SCAI: variants seen among roughly 807,000 people sequenced by gnomAD.
SCAI encodes suppressor of cancer cell invasion, also known as protein SCAI.
SCAI carries 24 observed loss-of-function variants against 92.2 expected under a neutral mutation model. The ratio of observed to expected loss-of-function variants is 0.26; its 90% confidence interval spans 0.19 to 0.37. The LOEUF is 0.37. SCAI is among the 10% of genes least tolerant of loss of function. The probability of loss-of-function intolerance (pLI) is 1.00; values close to 1 mark genes in which losing one functional copy is unlikely to be tolerated. For missense variants in SCAI, 450 were observed against 736.2 expected, an observed-to-expected ratio of 0.61 and a Z score of 4.50; for synonymous variants, 261 against 258.6, an observed-to-expected ratio of 1.01 and a Z score of -0.09.
At chr9:124,986,409 T>C (rs1831991039) in intron 14 of SCAI, among the ~76,000 whole-genome samples, 2 of 152,160 alleles carry the variant, frequency 1.3e-5, no homozygotes, top group South Asian at 2.1e-4. Flanking sequence ...TGAGAGCAAG[T>C]TACACACAGC....
chr9:125,066,007 A>T (rs375014858), intron 2 of SCAI: 1 of 771,598 alleles, frequency 1.3e-6, no homozygotes, highest in Admixed American at 1.8e-5. Context: ...TGAAATGTTG[A>T]TATCTTTCCC....
At chr9:124,986,121 C>T (rs1831985584) in intron 14 of SCAI, among the ~76,000 whole-genome samples, 1 of 152,022 alleles carries the variant, frequency 6.6e-6, no homozygotes, top group Admixed American at 6.6e-5. Flanking sequence ...GAAACCCCAT[C>T]TCTACTAAAA....
chr9:125,074,829 A>T (rs866893560), intron 2 of SCAI, among the ~76,000 whole-genome samples: 1 of 151,664 alleles, frequency 6.6e-6, no homozygotes, highest in South Asian at 2.1e-4. Context: ...ACATGGCGAA[A>T]CCCCGTTCCT....
intron 14 of SCAI, among the ~76,000 whole-genome samples, chr9:124,992,925 T>A (rs933253582): frequency 1.3e-5 from 2 of 152,190 alleles, no homozygotes; most frequent in African/African-American, 4.8e-5. Context: ...TCATCCTAAA[T>A]CTAAATAGTC....
chr9:125,125,390 T>C (rs1472621591), intron 2 of SCAI, among the ~76,000 whole-genome samples: 1 of 151,862 alleles, frequency 6.6e-6, no homozygotes, highest in Non-Finnish European at 1.5e-5. Context: ...TAGCCAGGTG[T>C]AGTGGCACAT....
At chr9:125,012,342 C>T (rs939397598) in intron 9 of SCAI, among the ~76,000 whole-genome samples, 2 of 151,848 alleles carry the variant, frequency 1.3e-5, no homozygotes, top group African/African-American at 4.8e-5. Context: ...GGAAGATCTA[C>T]CAAGCAAATG....
chr9:125,141,762 A>G (rs1835671572), intron 2 of SCAI, among the ~76,000 whole-genome samples: 1 of 152,060 alleles, frequency 6.6e-6, no homozygotes, highest in Admixed American at 6.5e-5. Context: ...ATCTTTTACT[A>G]GATGCATGAT....
chr9:125,057,586 G>A, intron 2 of SCAI, among the ~76,000 whole-genome samples: 1 of 152,116 alleles, frequency 6.6e-6, no homozygotes, highest in African/African-American at 2.4e-5. Context: ...ACATCACAGG[G>A]TACCTGCATG....
intron 2 of SCAI, among the ~76,000 whole-genome samples, chr9:125,062,879 G>A (rs1833797432): frequency 6.6e-6 from 1 of 151,826 alleles, no homozygotes; most frequent in Non-Finnish European, 1.5e-5. Flanking sequence ...AATTAGCTGG[G>A]CATGGTGGCG....
intron 14 of SCAI, among the ~76,000 whole-genome samples, chr9:124,990,685 A>G (rs1832100641): frequency 6.6e-6 from 1 of 151,420 alleles, no homozygotes; most frequent in Non-Finnish European, 1.5e-5. Flanking sequence ...TTAGAAAAAT[A>G]GTGGTTAGGG....
At chr9:124,957,705 G>A (rs993620624) in intron 17 of SCAI, among the ~76,000 whole-genome samples, 12 of 146,568 alleles carry the variant, frequency 8.2e-5, no homozygotes, top group South Asian at 2.1e-4. Context: ...TTAAAAAGAC[G>A]GAGTCTCACT....
intron 2 of SCAI, among the ~76,000 whole-genome samples, chr9:125,112,472 C>T (rs1834952289): frequency 6.6e-6 from 1 of 152,144 alleles, no homozygotes; most frequent in African/African-American, 2.4e-5. Context: ...TGTAACCGGC[C>T]AGATAATAAA....
chr9:125,057,938 G>T (rs1833703569), intron 2 of SCAI, among the ~76,000 whole-genome samples: 1 of 151,390 alleles, frequency 6.6e-6, no homozygotes, highest in Non-Finnish European at 1.5e-5. Context: ...TACAAAAAAT[G>T]TAAAAATTAG....
intron 17 of SCAI, among the ~76,000 whole-genome samples, chr9:124,960,066 G>A (rs4838238): frequency 0.53 from 80,798 of 151,882 alleles, 22,252 homozygotes; most frequent in South Asian, 0.58. Context: ...TGGGATTGCT[G>A]GGTCAAACGG....
intron 2 of SCAI, among the ~76,000 whole-genome samples, chr9:125,116,654 T>C (rs1191603444): frequency 6.6e-6 from 1 of 152,012 alleles, no homozygotes; most frequent in Non-Finnish European, 1.5e-5. Context: ...AATAATATAT[T>C]AAGAGAAAAC....
At chr9:125,081,976 C>T (rs138339129) in intron 2 of SCAI, among the ~76,000 whole-genome samples, 29 of 152,290 alleles carry the variant, frequency 1.9e-4, no homozygotes, top group African/African-American at 5.8e-4. Flanking sequence ...ACATTCAAGC[C>T]GGCTGCAGAA....
chr9:124,968,610 A>G (rs955573180), intron 17 of SCAI: 12 of 953,298 alleles, frequency 1.3e-5, no homozygotes, highest in Admixed American at 3.4e-5. Flanking sequence ...AAACTCTGCT[A>G]AAGAGTCCAG....
rs1831113826 is a variant in SCAI, at chr9:124,944,631, T to G, written c.*8176A>C. The G allele has an allele frequency of 6.6e-6, 1 of 152,096 alleles. No individual in the cohort carries two copies. The highest frequency in any genetic ancestry group is 1.5e-5 in the Non-Finnish European group (1 of 68,014). The allele number at this position is 152,096 out of a possible 1,614,324, so 9.4% of individuals were successfully genotyped here. A position where few individuals can be genotyped will look rare whatever the true frequency, so the allele number is the denominator to read the frequency against. On this transcript the variant is annotated 3_prime_UTR_variant, in exon 18 of 18. Coordinates refer to ENST00000336505, the MANE Select transcript of SCAI (RefSeq NM_001144877.3). ...TTTACCACAGTACATAGTTTTAATT[T>G]AGAAAAAAAGCAATTAGTAGCATGC...
chr9:124,979,657 T>C (rs961701284), intron 14 of SCAI, among the ~76,000 whole-genome samples: 8 of 152,236 alleles, frequency 5.3e-5, no homozygotes, highest in Non-Finnish European at 1.0e-4. Context: ...GATAGGAATT[T>C]AGTGCATTGG....
Sources: allele counts gnomAD v4.1 joint callset (sites outside exome capture counted in the v4.1 genomes callset), GRCh38; gene constraint gnomAD v4.1.1; transcripts MANE v1.5; gene names NCBI Gene and HGNC (gene_info 2026-07-23, HGNC 2026-07-21).